Variants in KRT76 observed in about 807,000 individuals in gnomAD.
KRT76 encodes the protein keratin 76.
A neutral mutation model predicts 44.9 loss-of-function variants in KRT76; 47 were observed. The observed-to-expected ratio is 1.05, with a 90% CI of 0.83 to 1.33. The LOEUF is 1.33. KRT76 is among the 40% of genes most tolerant of loss of function. KRT76 has a pLI of 0.00. For synonymous variants in KRT76, 331 were observed against 294.1 expected, an observed-to-expected ratio of 1.13 and a Z score of -1.28; for missense variants, 860 against 775.8, an observed-to-expected ratio of 1.11 and a Z score of -1.29.
chr12:52,775,031 T>C (rs1006743303), intron 2 of KRT76, among the ~76,000 whole-genome samples: 2 of 152,186 alleles, frequency 1.3e-5, no homozygotes, highest in South Asian at 2.1e-4. Context: ...TGATTCAGAA[T>C]ACCTAAGACT....
At chr12:52,773,016 A>C in intron 3 of KRT76, 138 bp from the exon 4 acceptor site, 1 of 615,814 alleles carries the variant, frequency 1.6e-6, no homozygotes, top group Admixed American at 2.9e-5. Context: ...TTCCCTTTTA[A>C]AATAAGGAAG....
intron 6 of KRT76, 28 bp downstream of exon 6, chr12:52,771,843 G>A (rs1428862896): frequency 6.2e-7 from 1 of 1,606,778 alleles, no homozygotes; most frequent in Non-Finnish European, 8.5e-7. Flanking sequence ...GAAGACCTCT[G>A]GGATCTCTCC....
intron 8 of KRT76, 70 bp from the exon 9 acceptor site, chr12:52,769,180 C>T (rs2121182506): frequency 1.6e-6 from 1 of 631,366 alleles, no homozygotes; most frequent in East Asian, 2.7e-5. Context: ...TGTATTACAT[C>T]CCCACCCTGC....
chr12:52,770,491 G>C (rs6421173), intron 7 of KRT76, among the ~76,000 whole-genome samples: 105,704 of 152,090 alleles, frequency 0.7, 39,058 homozygotes, highest in Non-Finnish European at 0.84. Context: ...TATGGACTCA[G>C]CTTCAGGGGT....
intron 7 of KRT76, among the ~76,000 whole-genome samples, chr12:52,770,585 A>AT (rs1049259949): frequency 1.3e-5 from 2 of 152,204 alleles, no homozygotes; most frequent in African/African-American, 2.4e-5. Flanking sequence ...TTAAAATTAA[A>AT]TTAAATGTAA....
chr12:52,775,284 A>C, intron 2 of KRT76, 104 bp downstream of exon 2: 1 of 961,672 alleles, frequency 1.0e-6, no homozygotes, highest in Non-Finnish European at 1.6e-6. Flanking sequence ...TCCATCCCAG[A>C]GTATTGACTG....
chr12:52,773,708 T>G, intron 2 of KRT76, 66 bp from the exon 3 acceptor site: 1 of 1,346,408 alleles, frequency 7.4e-7, no homozygotes, highest in Non-Finnish European at 1.1e-6. Context: ...AGGTGAGGAT[T>G]CCAGGCACTC....
rs1372078749 is a variant in KRT76, at chr12:52,769,044, A to G, written c.1586T>C (p.Val529Ala). The change falls in exon 9 of 9, where the codon GTC (valine) becomes GCC (alanine). Residue 529 changes from valine to alanine, a missense_variant. Transcript: ENST00000332411. ...GTAGCCACCACTGCCACTGCCACTG[A>G]CCCCTCCAAAAACTCCACGGCTACT... The part of the protein sequence containing the change: ...SGSSRGVFGG[V>A]SGSGSGGYKG... 6.6e-6 allele frequency: 5 copies of G among 752,952 alleles called. No homozygotes were observed. The Admixed American group carries it at 1.0e-4, about 15-fold the overall frequency. 46.6% of individuals were successfully genotyped at this position (752,952 alleles called of 1,614,324 possible). A position where few individuals can be genotyped will look rare whatever the true frequency, so the allele number is the denominator to read the frequency against.
Position 52,777,165 on chromosome 12 carries a change from C to A in KRT76, c.127G>T (p.Ala43Ser). 1 of 1,614,230 alleles carries A rather than the reference C, an allele frequency of 6.2e-7. No homozygotes were observed. The highest frequency in any genetic ancestry group is 1.1e-5 in the South Asian group (1 of 91,084). The change falls in exon 1 of 9, where the codon GCC becomes TCC. Residue 43 changes from alanine (A) to serine (S), a missense_variant. Physicochemically the swap from Ala to Ser is moderately conservative, Grantham distance 99. Coordinates refer to ENST00000332411, the MANE Select transcript of KRT76 (RefSeq NM_015848.4). The stretch of plus-strand genomic sequence containing the variant: ...CCTGCTCCGCTCCTGAAGCCACAGG[C>A]CCCTCCACCAGCTCCCCCAGAGCGG... ...VARSGGAGGG[A>S]CGFRSGAGSF...
In KRT76 at chr12:52,768,736, TTGAG is replaced by T; in HGVS notation, c.1890_1893del (p.Ser630ArgfsTer26). 6.2e-7 allele frequency: 1 copy of T among 1,602,696 alleles called. No individual in the cohort carries two copies. Among genetic ancestry groups the T allele is most frequent in the East Asian group, 2.2e-5 (1 of 44,540 alleles). On this transcript the variant is annotated frameshift_variant, in exon 9 of 9. Coordinates refer to ENST00000332411, the MANE Select transcript of KRT76 (RefSeq NM_015848.4). LOFTEE classifies it high-confidence loss of function. ...GATCACTTGGTGGAGCTATGCTGGC[TTGAG>T]CTCGTGGTCTGGGAGAAGCGGATAC...
chr12:52,769,933 C>A (rs1243622013), intron 7 of KRT76, among the ~76,000 whole-genome samples: 4 of 152,168 alleles, frequency 2.6e-5, no homozygotes, highest in African/African-American at 9.7e-5. Context: ...TCTACCCAGC[C>A]CTGGATTTTT....
chr12:52,772,034 AGTGTTG>A (rs1939190987), intron 5 of KRT76, 38 bp from the exon 6 acceptor site: 1 of 1,610,538 alleles, frequency 6.2e-7, no homozygotes, highest in African/African-American at 1.3e-5. Context: ...GCTTTTGCAA[AGTGTTG>A]GCACATTCTC....
intron 7 of KRT76, 58 bp downstream of exon 7, chr12:52,770,941 A>C: frequency 6.2e-7 from 1 of 1,607,738 alleles, no homozygotes; most frequent in Admixed American, 1.7e-5. Context: ...CCCTTTCCAC[A>C]TTATCAAAGG....
intron 7 of KRT76, among the ~76,000 whole-genome samples, chr12:52,770,112 C>G (rs905196686): frequency 6.6e-6 from 1 of 152,168 alleles, no homozygotes; most frequent in Non-Finnish European, 1.5e-5. Flanking sequence ...GTGTCTTATT[C>G]TTGTTAATGG....
chr12:52,771,299 T>C (rs1039230608), intron 6 of KRT76, 80 bp from the exon 7 acceptor site: 51 of 1,320,490 alleles, frequency 3.9e-5, no homozygotes, highest in Non-Finnish European at 5.4e-5. Flanking sequence ...TTCCCCCACA[T>C]CCTGCATCCC....
At chr12:52,774,143 G>A (rs1178373752) in intron 2 of KRT76, among the ~76,000 whole-genome samples, 1 of 152,102 alleles carries the variant, frequency 6.6e-6, no homozygotes, top group Non-Finnish European at 1.5e-5. Flanking sequence ...TTTGTAACTA[G>A]GTTCCTGCAT....
intron 6 of KRT76, 72 bp from the exon 7 acceptor site, chr12:52,771,291 C>T: frequency 1.5e-6 from 2 of 1,374,548 alleles, no homozygotes; most frequent in Non-Finnish European, 2.1e-6. Flanking sequence ...TAGATCTCTT[C>T]CCCCACATCC....
At chr12:52,772,973 C>G in intron 3 of KRT76, 95 bp from the exon 4 acceptor site, 1 of 780,744 alleles carries the variant, frequency 1.3e-6, no homozygotes, top group Non-Finnish European at 2.2e-6. Context: ...TTTGTTCCGC[C>G]CCCAGCTCTC....
In KRT76 at chr12:52,777,225, C is replaced by G; in HGVS notation, c.67G>C (p.Val23Leu). ...RSQGFSGRSA[V>L]VSGSSRMSCV... ...CTCATCCTGCTGCTGCCGGAGACCA[C>G]AGCAGAGCGGCCAGAGAAACCCTGG... Residue 23 changes from valine to leucine, a missense_variant, in exon 1 of 9, where the codon GTG becomes CTG. Val to Leu is a conservative substitution (Grantham distance 32, BLOSUM62 1). Coordinates refer to ENST00000332411, the MANE Select transcript of KRT76 (RefSeq NM_015848.4). 1 of 1,614,238 alleles carries G rather than the reference C, an allele frequency of 6.2e-7. No homozygotes were observed.
Sources: allele counts gnomAD v4.1 joint callset (sites outside exome capture counted in the v4.1 genomes callset), GRCh38; gene constraint gnomAD v4.1.1; transcripts MANE v1.5; gene names NCBI Gene and HGNC (gene_info 2026-07-23, HGNC 2026-07-21).